PRKX: variants seen among roughly 807,000 people sequenced by gnomAD.
The protein encoded by PRKX is cAMP-dependent protein kinase catalytic subunit PRKX.
Under a neutral mutation model 22.0 loss-of-function variants are expected in PRKX, and 12 were observed. The observed-to-expected ratio is 0.54, with a 90% confidence interval of 0.35 to 0.88. The LOEUF (loss-of-function observed/expected upper bound fraction) is 0.88. Ranked by LOEUF, PRKX falls within the 40% of genes least tolerant of loss-of-function variation. The pLI, the probability that PRKX is intolerant of heterozygous loss-of-function variation, is 0.01. For missense variants in PRKX, 217 were observed against 308.0 expected, an observed-to-expected ratio of 0.70 and a Z score of 2.21; for synonymous variants, 134 against 137.7, an observed-to-expected ratio of 0.97 and a Z score of 0.19.
chrX:3,681,352 C>CTAT (rs1928069105), intron 1 of PRKX, among the ~76,000 whole-genome samples: 1 of 110,038 alleles, frequency 9.1e-6, no homozygotes, highest in Non-Finnish European at 1.9e-5. Flanking sequence ...GACCCTGCCT[C>CTAT]TATTTAGAAA....
At chrX:3,643,814 CA>C (rs1927132445) in intron 3 of PRKX, among the ~76,000 whole-genome samples, 1 of 111,282 alleles carries the variant, frequency 9.0e-6, no homozygotes. Flanking sequence ...GTTCTTTGCA[CA>C]ATGTATCAAG....
intron 2 of PRKX, among the ~76,000 whole-genome samples, chrX:3,672,635 G>A (rs752437496): frequency 9.9e-5 from 11 of 111,137 alleles, no homozygotes; most frequent in East Asian, 2.8e-4. Flanking sequence ...TCCAGGAGGC[G>A]CAGGGGGTGT....
rs1395982244 is a variant in PRKX, at chrX:3,663,459, CACACACACAAAA to C, written c.336-8059_336-8048del. On this transcript the variant is annotated intron_variant, in intron 2 of 8. Coordinates refer to ENST00000262848, the MANE Select transcript of PRKX (RefSeq NM_005044.5). ...ACACACACACACACACACACACACA[CACACACACAAAA>C]AAATTCAATTAGCTGGACATAGTGG... 7.9e-4 allele frequency among the ~76,000 whole-genome samples: 63 copies of C among 80,030 alleles called. 2 individuals carry two copies. In the East Asian group the frequency reaches 0.022, roughly 29 times the overall value. The allele number at this position is 80,030 out of a possible 115,157, so 69.5% of individuals were successfully genotyped here. A position where few individuals can be genotyped will look rare whatever the true frequency, so the allele number is the denominator to read the frequency against.
rs190579188 is a variant in PRKX at position 3,639,707 on chromosome X, C to G, written c.719+2145G>C. On this transcript the variant is annotated intron_variant, in intron 4 of 8. Coordinates refer to ENST00000262848, the MANE Select transcript of PRKX (RefSeq NM_005044.5). ...AGGTTTTTACGGGTTCCACTCTCCT[C>G]CTGCGGCATCTCAGGCTCCGGTTTT... Among the ~76,000 whole-genome samples the G allele has an allele frequency of 1.4e-4, 16 of 110,985 alleles. No homozygotes were observed. In the East Asian group the frequency reaches 4.6e-3, roughly 32 times the overall value.
chrX:3,657,533 G>A (rs1394560238), intron 2 of PRKX, among the ~76,000 whole-genome samples: 2 of 112,121 alleles, frequency 1.8e-5, no homozygotes, highest in Admixed American at 1.9e-4. Flanking sequence ...AATCCACACC[G>A]TCTATGCTAC....
chrX:3,698,058 C>G (rs185195274), intron 1 of PRKX, among the ~76,000 whole-genome samples: 2 of 112,348 alleles, frequency 1.8e-5, no homozygotes, highest in African/African-American at 6.5e-5. Context: ...TCCTTTCCCA[C>G]ACAATGCGGC....
Position 3,609,088 on chromosome X carries a change from G to A in PRKX, c.*24-143C>T, listed in dbSNP as rs763599889. 4.5e-5 allele frequency: 5 copies of A among 112,154 alleles called. No individual in the cohort carries two copies. The East Asian group carries it at 1.4e-3, about 31-fold the overall frequency. The allele number at this position is 112,154 out of a possible 1,213,427, so 9.2% of individuals were successfully genotyped here. A position where few individuals can be genotyped will look rare whatever the true frequency, so the allele number is the denominator to read the frequency against. On this transcript the variant is annotated intron_variant, in intron 8 of 8. Coordinates refer to ENST00000262848, the MANE Select transcript of PRKX (RefSeq NM_005044.5). ...CTCTCTTTGTAATTCTTTTTGCAAG[G>A]ATCCATAAGCCTGAATTCTAAAAGG...
chrX:3,665,158 T>C (rs1927697581), intron 2 of PRKX, among the ~76,000 whole-genome samples: 1 of 111,318 alleles, frequency 9.0e-6, no homozygotes, highest in East Asian at 2.9e-4. Context: ...GTGTGTGTGC[T>C]TGTGTGTGTG....
At chrX:3,668,211 G>A (rs1195381918) in intron 2 of PRKX, 2 of 111,396 alleles carry the variant, frequency 1.8e-5, no homozygotes, top group African/African-American at 6.5e-5. Context: ...CCTTTTTGAA[G>A]CGTCTGCTTT....
chrX:3,654,319 C>T (rs1317845948), intron 3 of PRKX, among the ~76,000 whole-genome samples: 1 of 96,163 alleles, frequency 1.0e-5, no homozygotes, highest in Non-Finnish European at 2.0e-5. Flanking sequence ...ATGTTATATA[C>T]AATAATATAG....
chrX:3,680,546 T>C (rs747365792), intron 1 of PRKX, among the ~76,000 whole-genome samples: 2 of 111,915 alleles, frequency 1.8e-5, no homozygotes, highest in East Asian at 5.6e-4. Context: ...CCCAGAAAAA[T>C]GCCATGGGCA....
rs769019092 is a variant in PRKX at position 3,607,344 on chromosome X, T to C, written c.*1625A>G. 9.0e-6 allele frequency: 1 copy of C among 111,702 alleles called. No individual in the cohort carries two copies. Among genetic ancestry groups the C allele is most frequent in the Non-Finnish European group, 1.9e-5 (1 of 53,234 alleles). The allele number at this position is 111,702 out of a possible 1,213,427, so 9.2% of individuals were successfully genotyped here. A position where few individuals can be genotyped will look rare whatever the true frequency, so the allele number is the denominator to read the frequency against. ...CCTCTGTGTCATTCCAATTTTAGTA[T>C]ACCTGCTGCCGAAGTCAGCACCAGT... is the stretch of plus-strand genomic sequence containing the variant. On this transcript the variant is annotated 3_prime_UTR_variant, in exon 9 of 9. Coordinates refer to ENST00000262848, the MANE Select transcript of PRKX (RefSeq NM_005044.5).
chrX:3,646,701 T>G (rs1927195311), intron 3 of PRKX, among the ~76,000 whole-genome samples: 1 of 110,225 alleles, frequency 9.1e-6, no homozygotes, highest in Non-Finnish European at 1.9e-5. Context: ...TTTGTCATCT[T>G]TTTTTTTATG....
intron 2 of PRKX, among the ~76,000 whole-genome samples, chrX:3,655,921 T>C (rs1927472002): frequency 9.0e-6 from 1 of 111,319 alleles, no homozygotes; most frequent in Non-Finnish European, 1.9e-5. Flanking sequence ...TAGATGGATG[T>C]AGACAGGTAT....
At chrX:3,621,997 C>T (rs1041888888) in intron 5 of PRKX, among the ~76,000 whole-genome samples, 3 of 109,971 alleles carry the variant, frequency 2.7e-5, no homozygotes, top group East Asian at 2.9e-4. Context: ...AAAAGAAATT[C>T]GCTGGGCATG....
At chrX:3,691,593 A>G (rs1024721727) in intron 1 of PRKX, among the ~76,000 whole-genome samples, 2 of 111,112 alleles carry the variant, frequency 1.8e-5, no homozygotes, top group African/African-American at 6.5e-5. Context: ...GAGTCCATTA[A>G]CATTTGGAGC....
chrX:3,628,061 C>A, intron 4 of PRKX, among the ~76,000 whole-genome samples: 1 of 111,492 alleles, frequency 9.0e-6, no homozygotes, highest in Admixed American at 9.6e-5. Context: ...GAATACTATT[C>A]AGCCATGAAA....
intron 3 of PRKX, among the ~76,000 whole-genome samples, chrX:3,642,692 AAAG>A (rs759191942): frequency 1.2e-4 from 13 of 110,770 alleles, no homozygotes; most frequent in African/African-American, 3.9e-4. Flanking sequence ...GTGGCAGTGA[AAAG>A]AATAATTCAA....
At position 3,650,438 on chromosome X, in the gene PRKX, G is replaced by A. The variant is rs745905732; in HGVS notation, c.599+4711C>T. On this transcript the variant is annotated intron_variant, in intron 3 of 8. Transcript: ENST00000262848. Reference sequence around the variant, plus strand: ...TGGGAGGCTGAGGCAGGAGAATGGCGTGAACCCGGGAGGCAGAGCTTGCAG... The same window carrying A: ...TGGGAGGCTGAGGCAGGAGAATGGCATGAACCCGGGAGGCAGAGCTTGCAG... 6.4e-5 allele frequency among the ~76,000 whole-genome samples: 6 copies of A among 93,852 alleles called. No individual in the cohort carries two copies. The East Asian group carries it at 1.1e-3, about 17-fold the overall frequency. The allele number at this position is 93,852 out of a possible 115,157, so 81.5% of individuals were successfully genotyped here.
Sources: allele counts gnomAD v4.1 joint callset (sites outside exome capture counted in the v4.1 genomes callset), GRCh38; gene constraint gnomAD v4.1.1; transcripts MANE v1.5; gene names NCBI Gene and HGNC (gene_info 2026-07-23, HGNC 2026-07-21).